The following CNTN5 variants were observed in gnomAD, a reference collection of about 807,000 sequenced individuals.
CNTN5 encodes the protein contactin 5.
In CNTN5, 77 loss-of-function variants were observed where a neutral mutation model predicts 129.1. That is an observed-to-expected ratio of 0.60 (90% CI 0.50 to 0.72). CNTN5 has a LOEUF of 0.72. CNTN5 is among the 30% of genes least tolerant of loss of function. The probability of loss-of-function intolerance (pLI) is 0.00; values close to 1 mark genes in which losing one functional copy is unlikely to be tolerated. For synonymous variants in CNTN5, 509 were observed against 465.6 expected (o/e 1.09, Z -1.20); for missense variants, 1,478 against 1,328.8 (o/e 1.11, Z -1.75).
At chr11:99,868,027 C>T (rs1048251011) in intron 6 of CNTN5, among the ~76,000 whole-genome samples, 1 of 151,952 alleles carries the variant, frequency 6.6e-6, no homozygotes, top group South Asian at 2.1e-4. Flanking sequence ...CCAGCCTGAC[C>T]AACATGGAGA....
intron 2 of CNTN5, among the ~76,000 whole-genome samples, chr11:99,529,596 A>T (rs1206696723): frequency 6.6e-6 from 1 of 152,226 alleles, no homozygotes; most frequent in African/African-American, 2.4e-5. Flanking sequence ...TTTGGGGATT[A>T]TGATCCAAAC....
At chr11:99,576,546 C>T (rs1949356845) in intron 3 of CNTN5, among the ~76,000 whole-genome samples, 1 of 152,080 alleles carries the variant, frequency 6.6e-6, no homozygotes, top group African/African-American at 2.4e-5. Flanking sequence ...TGTAGATAAA[C>T]CAGAGAAAAA....
chr11:99,186,261 A>G (rs1019792771), intron 1 of CNTN5, among the ~76,000 whole-genome samples: 1 of 151,960 alleles, frequency 6.6e-6, no homozygotes, highest in African/African-American at 2.4e-5. Context: ...CTAAAAACAC[A>G]ATAGAGAGAA....
chr11:100,101,478 C>T (rs187582929), intron 13 of CNTN5, among the ~76,000 whole-genome samples: 6 of 152,248 alleles, frequency 3.9e-5, no homozygotes, highest in Admixed American at 6.6e-5. Flanking sequence ...TCATAAGCAT[C>T]GAGCTTATTG....
chr11:100,145,833 A>G (rs950528992), intron 13 of CNTN5, among the ~76,000 whole-genome samples: 2 of 152,076 alleles, frequency 1.3e-5, no homozygotes, highest in African/African-American at 2.4e-5. Flanking sequence ...CTGCTCACAA[A>G]CCATGAGAGG....
intron 1 of CNTN5, among the ~76,000 whole-genome samples, chr11:99,241,929 CA>C (rs1351094372): frequency 6.6e-6 from 1 of 152,020 alleles, no homozygotes; most frequent in African/African-American, 2.4e-5. Flanking sequence ...AGCACACACA[CA>C]TACATACACA....
intron 1 of CNTN5, among the ~76,000 whole-genome samples, chr11:99,034,447 C>T (rs7396885): frequency 0.085 from 12,181 of 143,448 alleles, 893 homozygotes; most frequent in East Asian, 0.21. Context: ...CAATTTCAGA[C>T]CCTGTTATTG....
intron 2 of CNTN5, among the ~76,000 whole-genome samples, chr11:99,495,003 A>G (rs1021980148): frequency 1.8e-4 from 28 of 152,226 alleles, no homozygotes; most frequent in African/African-American, 6.8e-4. Flanking sequence ...TAAAATCAAA[A>G]ACACTAAAAA....
chr11:99,038,186 A>G lies in CNTN5; in HGVS notation c.-210+16916A>G, dbSNP rs919226344. Among the ~76,000 whole-genome samples the G allele has an allele frequency of 3.3e-5, 5 of 152,278 alleles. No homozygotes were observed. The East Asian group carries it at 7.7e-4, about 24-fold the overall frequency. On this transcript the variant is annotated intron_variant, in intron 1 of 24. Coordinates refer to ENST00000524871, the MANE Select transcript of CNTN5 (RefSeq NM_014361.4). ...TCTGGTCCTTGACCTAATAACATCA[A>G]TAAGACTAATTATTTGTCCAAGCTG...
At chr11:99,487,746 T>G (rs1003726646) in intron 2 of CNTN5, among the ~76,000 whole-genome samples, 1 of 152,216 alleles carries the variant, frequency 6.6e-6, no homozygotes, top group Non-Finnish European at 1.5e-5. Context: ...GAGACTCCTT[T>G]AATCCTATGA....
At chr11:100,355,523 T>C (rs144660365) in intron 24 of CNTN5, among the ~76,000 whole-genome samples, 212 of 151,958 alleles carry the variant, frequency 1.4e-3, no homozygotes, top group African/African-American at 4.8e-3. Context: ...GTTACCATTA[T>C]CAATTAAGTA....
intron 8 of CNTN5, among the ~76,000 whole-genome samples, chr11:99,979,712 G>A (rs185330769): frequency 5.8e-4 from 88 of 152,216 alleles, no homozygotes; most frequent in African/African-American, 2.0e-3. Context: ...GAACTAAGTT[G>A]TATTTTGTGT....
At position 99,736,009 on chromosome 11, in the gene CNTN5, C is replaced by A. The variant is rs545579308; in HGVS notation, c.56-83535C>A. ...GAATAGCTCCTCTTGATTTCTTTTT[C>A]TTTCTCTTTTTTTTCTCTCTTTCTT... is the stretch of plus-strand genomic sequence containing the variant. On this transcript the variant is annotated intron_variant, in intron 3 of 24. Coordinates refer to ENST00000524871, the MANE Select transcript of CNTN5 (RefSeq NM_014361.4). 4.1e-5 allele frequency among the ~76,000 whole-genome samples: 6 copies of A among 148,124 alleles called. No homozygotes were observed. In the South Asian group the frequency reaches 1.3e-3, roughly 31 times the overall value.
intron 13 of CNTN5, among the ~76,000 whole-genome samples, chr11:100,159,971 C>A (rs1459418081): frequency 6.6e-6 from 1 of 151,790 alleles, no homozygotes; most frequent in Non-Finnish European, 1.5e-5. Flanking sequence ...GATACATAGG[C>A]AGAACGTGCA....
At chr11:99,043,698 C>T (rs1327322372) in intron 1 of CNTN5, among the ~76,000 whole-genome samples, 1 of 152,132 alleles carries the variant, frequency 6.6e-6, no homozygotes, top group Non-Finnish European at 1.5e-5. Context: ...GTATTATTCA[C>T]ATTCAAATTT....
chr11:99,850,535 C>A (rs559285123), intron 6 of CNTN5, among the ~76,000 whole-genome samples: 1 of 152,140 alleles, frequency 6.6e-6, no homozygotes, highest in Non-Finnish European at 1.5e-5. Flanking sequence ...AATATATTTA[C>A]AAATATGAAA....
intron 6 of CNTN5, among the ~76,000 whole-genome samples, chr11:99,894,128 C>T (rs540065306): frequency 5.3e-5 from 8 of 152,096 alleles, no homozygotes; most frequent in South Asian, 2.1e-4. Context: ...TACCATCTCC[C>T]GTTCCCACCT....
intron 2 of CNTN5, among the ~76,000 whole-genome samples, chr11:99,525,563 C>T (rs1947453135): frequency 1.3e-5 from 2 of 152,150 alleles, no homozygotes; most frequent in Non-Finnish European, 1.5e-5. Flanking sequence ...GATAGATGGA[C>T]TTGTTTGGCA....
intron 2 of CNTN5, among the ~76,000 whole-genome samples, chr11:99,404,033 C>T (rs1941956203): frequency 6.6e-6 from 1 of 152,010 alleles, no homozygotes; most frequent in African/African-American, 2.4e-5. Flanking sequence ...TACCTGGGTG[C>T]TCTAGTATCG....
Sources: allele counts gnomAD v4.1 joint callset (sites outside exome capture counted in the v4.1 genomes callset), GRCh38; gene constraint gnomAD v4.1.1; transcripts MANE v1.5; gene names NCBI Gene and HGNC (gene_info 2026-07-23, HGNC 2026-07-21).